Variants in CDC73 observed in about 807,000 individuals in gnomAD.
The protein encoded by CDC73 is cell division cycle 73, also known as parafibromin.
A neutral mutation model predicts 83.7 loss-of-function variants in CDC73; 21 were observed. The ratio of observed to expected loss-of-function variants is 0.25; its 90% CI spans 0.18 to 0.36. The LOEUF (loss-of-function observed/expected upper bound fraction) is 0.36. Among genes scored for constraint, CDC73 ranks in the 10% least tolerant of loss-of-function variants. CDC73 has a pLI of 1.00. For synonymous variants in CDC73, 224 were observed against 212.9 expected (o/e 1.05, Z -0.45); for missense variants, 342 against 653.3 (o/e 0.52, Z 5.19).
intron 10 of CDC73, among the ~76,000 whole-genome samples, chr1:193,159,188 A>C (rs1197677085): frequency 1.3e-5 from 2 of 152,158 alleles, no homozygotes; most frequent in Non-Finnish European, 1.5e-5. Context: ...AATATAAGGG[A>C]GATAAAAGAG....
At chr1:193,135,713 A>G (rs938809601) in intron 5 of CDC73, 124 bp downstream of exon 5, 33 of 713,370 alleles carry the variant, frequency 4.6e-5, no homozygotes, top group Non-Finnish European at 7.5e-5. Context: ...TTTTTGTGGT[A>G]GAAAGAACAA....
At chr1:193,171,104 A>T (rs1166372922) in intron 10 of CDC73, among the ~76,000 whole-genome samples, 1 of 152,224 alleles carries the variant, frequency 6.6e-6, no homozygotes, top group Non-Finnish European at 1.5e-5. Context: ...GGCAAACAGG[A>T]TCAAGAAAGA....
chr1:193,136,966 C>G (rs1001671828), intron 5 of CDC73, among the ~76,000 whole-genome samples: 2 of 152,110 alleles, frequency 1.3e-5, no homozygotes, highest in African/African-American at 4.8e-5. Context: ...AAAAAATCAG[C>G]AGGAAATGGC....
At chr1:193,234,290 T>TTATATATATAATATATATAATATATATAA (rs1558320390) in intron 14 of CDC73, among the ~76,000 whole-genome samples, 10 of 118,730 alleles carry the variant, frequency 8.4e-5, no homozygotes, top group Non-Finnish European at 1.2e-4. Context: ...AATATACATA[T>TTATATATATAATATATATAATATATATAA]TATATATATA....
At chr1:193,145,276 A>G (rs1572156820) in intron 7 of CDC73, among the ~76,000 whole-genome samples, 1 of 148,518 alleles carries the variant, frequency 6.7e-6, no homozygotes, top group East Asian at 1.9e-4. Flanking sequence ...AGAACCATTT[A>G]TTGCATTTTG....
chr1:193,129,247 C>T (rs1675646302), intron 2 of CDC73, among the ~76,000 whole-genome samples: 1 of 151,918 alleles, frequency 6.6e-6, no homozygotes, highest in South Asian at 2.1e-4. Flanking sequence ...CCACCCGTCT[C>T]GACCTCCCAA....
At chr1:193,229,010 A>T (rs1677612112) in intron 13 of CDC73, among the ~76,000 whole-genome samples, 1 of 152,196 alleles carries the variant, frequency 6.6e-6, no homozygotes, top group African/African-American at 2.4e-5. Flanking sequence ...CATGAAAAAA[A>T]TTCTCAGTAT....
At chr1:193,205,621 T>TA (rs1230002635) in intron 11 of CDC73, among the ~76,000 whole-genome samples, 6 of 152,304 alleles carry the variant, frequency 3.9e-5, no homozygotes, top group African/African-American at 1.2e-4. Flanking sequence ...TCAGCCTTGT[T>TA]ATACTTAGAC....
chr1:193,234,290 T>TTATATATATAATATATATAATATACA (rs1558320390), intron 14 of CDC73, among the ~76,000 whole-genome samples: 1 of 118,758 alleles, frequency 8.4e-6, no homozygotes, highest in Non-Finnish European at 1.7e-5. Flanking sequence ...AATATACATA[T>TTATATATATAATATATATAATATACA]TATATATATA....
At chr1:193,238,679 C>T (rs1677805648) in intron 15 of CDC73, among the ~76,000 whole-genome samples, 1 of 152,132 alleles carries the variant, frequency 6.6e-6, no homozygotes, top group Non-Finnish European at 1.5e-5. Flanking sequence ...TAACTGATAA[C>T]ATAAACAGTC....
chr1:193,122,174 G>C lies in CDC73; in HGVS notation c.-27G>C, dbSNP rs765705132. The stretch of plus-strand genomic sequence containing the variant: ...GGCGCGGCGGCAGCGGCGGCGCCCC[G>C]AGCCGGCGGAGGCGAGGGGGGGGAA... On this transcript the variant is annotated 5_prime_UTR_variant, in exon 1 of 17. Coordinates refer to ENST00000367435, the MANE Select transcript of CDC73 (RefSeq NM_024529.5). The C allele has an allele frequency of 1.9e-6, 3 of 1,610,404 alleles. No homozygotes were observed. The highest frequency in any genetic ancestry group is 2.5e-6 in the Non-Finnish European group (3 of 1,177,552).
intron 2 of CDC73, among the ~76,000 whole-genome samples, chr1:193,126,769 C>G (rs1321344451): frequency 1.3e-5 from 2 of 152,124 alleles, no homozygotes; most frequent in Non-Finnish European, 2.9e-5. Flanking sequence ...TCTTCTTAAA[C>G]TTTTCTTATA....
chr1:193,202,992 A>G (rs116276164), intron 10 of CDC73, among the ~76,000 whole-genome samples: 3,539 of 152,126 alleles, frequency 0.023, 135 homozygotes, highest in African/African-American at 0.082. Flanking sequence ...TCTGTTATGT[A>G]CCACTAGTGT....
intron 13 of CDC73, among the ~76,000 whole-genome samples, chr1:193,223,374 C>G (rs1677506636): frequency 1.3e-5 from 2 of 152,130 alleles, no homozygotes; most frequent in Non-Finnish European, 2.9e-5. Context: ...CACCTGGGAG[C>G]ATTACCAATC....
At chr1:193,150,564 T>C (rs1463546783) in intron 9 of CDC73, among the ~76,000 whole-genome samples, 182 bp downstream of exon 9, 2 of 152,222 alleles carry the variant, frequency 1.3e-5, no homozygotes, top group African/African-American at 4.8e-5. Context: ...TTTATGTATT[T>C]TATATATGGC....
intron 10 of CDC73, among the ~76,000 whole-genome samples, chr1:193,169,544 C>A (rs1229515373): frequency 6.7e-6 from 1 of 149,406 alleles, no homozygotes; most frequent in African/African-American, 2.5e-5. Flanking sequence ...GACTCTGTCT[C>A]AAAAAAAAAT....
intron 15 of CDC73, among the ~76,000 whole-genome samples, chr1:193,239,892 G>A (rs1677827698): frequency 6.6e-6 from 1 of 152,032 alleles, no homozygotes; most frequent in Non-Finnish European, 1.5e-5. Context: ...TAACAGTCCT[G>A]CACATGTACC....
chr1:193,242,141 C>T (rs530092983), intron 15 of CDC73, among the ~76,000 whole-genome samples: 311 of 146,504 alleles, frequency 2.1e-3, no homozygotes, highest in African/African-American at 7.1e-3. Flanking sequence ...TCCCCCACCC[C>T]GACTTAGGGT....
At chr1:193,207,502 C>G (rs1677207826) in intron 11 of CDC73, among the ~76,000 whole-genome samples, 1 of 152,092 alleles carries the variant, frequency 6.6e-6, no homozygotes, top group Non-Finnish European at 1.5e-5. Context: ...ACAGACACTC[C>G]CAGAGCAGCC....
Sources: allele counts gnomAD v4.1 joint callset (sites outside exome capture counted in the v4.1 genomes callset), GRCh38; gene constraint gnomAD v4.1.1; transcripts MANE v1.5; gene names NCBI Gene and HGNC (gene_info 2026-07-23, HGNC 2026-07-21).